SRSF11: variants seen among roughly 807,000 people sequenced by gnomAD.
The protein encoded by SRSF11 is serine/arginine-rich splicing factor 11.
SRSF11 carries 9 observed loss-of-function variants against 56.0 expected under a neutral mutation model. The observed-to-expected ratio is 0.16, with a 90% CI of 0.10 to 0.28. The LOEUF is 0.28. Among genes scored for constraint, SRSF11 ranks in the 10% least tolerant of loss-of-function variants. SRSF11 has a pLI of 1.00. For synonymous variants in SRSF11, 222 were observed against 215.3 expected, an observed-to-expected ratio of 1.03 and a Z score of -0.27; for missense variants, 421 against 600.7, an observed-to-expected ratio of 0.70 and a Z score of 3.13.
In SRSF11 at chr1:70,221,466, T is replaced by TGCGGCGGGGCGGAGAAACGGCG. The variant is rs1670591378; in HGVS notation, c.-163_-142dup. The TGCGGCGGGGCGGAGAAACGGCG allele has an allele frequency of 4.4e-6, 4 of 904,556 alleles. No homozygotes were observed. Among genetic ancestry groups the TGCGGCGGGGCGGAGAAACGGCG allele is most frequent in the African/African-American group, 1.7e-5 (1 of 57,878 alleles). The allele number at this position is 904,556 out of a possible 1,614,324, so 56.0% of individuals were successfully genotyped here. ...CGCTCTCATCCCCTCCCCCGCGGCGTGCGGCGGGGCGGAGAAACGGCGGCG... is the reference window on the plus strand; with the variant it reads ...CGCTCTCATCCCCTCCCCCGCGGCGTGCGGCGGGGCGGAGAAACGGCGGCGGCGGGGCGGAGAAACGGCGGCG... On this transcript the variant is annotated 5_prime_UTR_variant, in exon 1 of 12. Transcript: ENST00000370949.
At chr1:70,221,988 T>G in intron 1 of SRSF11, 149 bp downstream of exon 1, 1 of 1,386,020 alleles carries the variant, frequency 7.2e-7, no homozygotes. Context: ...ACGGTTGTGT[T>G]CCAGGCCTAC....
rs1677808466 is a variant in SRSF11, at chr1:70,250,650, A to C, written c.1300A>C (p.Ser434Arg). ...TGATGAAGAGGAACAGGGGTATGAC[A>C]GTGAGAAAGAGAAAAAAGAAGAGAA... Reference protein sequence around the residue: ...DYDEEEQGYDSEKEKKEEKKP... With the variant: ...DYDEEEQGYDREKEKKEEKKP... The change falls in exon 12 of 12, where the codon AGT (serine) becomes CGT (arginine). Residue 434 changes from serine to arginine, a missense_variant. Physicochemically the swap from Ser to Arg is moderately radical, Grantham distance 110. This residue lies in a region of SRSF11 where 253 missense variants were observed against 305.8 expected (regional missense o/e 0.83). Transcript: ENST00000370949. 2 of 1,613,914 alleles carry C rather than the reference A, an allele frequency of 1.2e-6. No individual in the cohort carries two copies. Among genetic ancestry groups the C allele is most frequent in the African/African-American group, 1.3e-5 (1 of 74,918 alleles).
upstream of SRSF11, chr1:70,221,000 C>T (rs1022536358): frequency 3.3e-5 from 5 of 152,012 alleles, no homozygotes; most frequent in African/African-American, 1.2e-4. Flanking sequence ...AATTTCGGGA[C>T]ATTTTATACT....
Position 70,221,796 on chromosome 1 carries a change from G to A in SRSF11, c.160G>A (p.Gly54Ser). ...CTCTGAGCAGATGCGGACTCTCTTC[G>A]GTTTCCTAGGCAAGATCGACGAACT... Reference protein sequence around the residue: ...ASSEQMRTLFGFLGKIDELRL... With the variant: ...ASSEQMRTLFSFLGKIDELRL... The change falls in exon 1 of 12, where the codon GGT becomes AGT. Residue 54 changes from glycine to serine, a missense_variant. Physicochemically the swap from Gly to Ser is moderately conservative, Grantham distance 56 (BLOSUM62 0). This residue lies in a region of SRSF11 where 168 missense variants were observed against 294.9 expected (regional missense o/e 0.57). Coordinates refer to ENST00000370949, the MANE Select transcript of SRSF11 (RefSeq NM_001350605.2). 2 of 1,614,078 alleles carry A rather than the reference G, an allele frequency of 1.2e-6. No individual in the cohort carries two copies. The highest frequency in any genetic ancestry group is 1.7e-5 in the Admixed American group (1 of 60,004).
rs1288017280 is a variant in SRSF11 at position 70,250,516 on chromosome 1, A to T, written c.1257+13A>T. Reference sequence around the variant, plus strand: ...TAAAGATGTAAAAGTATGTTTACAAATTGATTTATTTTTATATTTGGGGTG... The same window carrying T: ...TAAAGATGTAAAAGTATGTTTACAATTTGATTTATTTTTATATTTGGGGTG... On this transcript the variant is annotated intron_variant, in intron 11 of 11. Coordinates refer to ENST00000370949, the MANE Select transcript of SRSF11 (RefSeq NM_001350605.2). 6.2e-7 allele frequency: 1 copy of T among 1,606,520 alleles called. No homozygotes were observed. Among genetic ancestry groups the T allele is most frequent in the Non-Finnish European group, 8.5e-7 (1 of 1,175,942 alleles).
intron 2 of SRSF11, chr1:70,230,880 A>G: frequency 8.5e-7 from 1 of 1,180,110 alleles, no homozygotes; most frequent in Non-Finnish European, 1.1e-6. Context: ...AGGTTTGTTA[A>G]TATTGATGCA....
chr1:70,248,384 G>A (rs530577895), intron 9 of SRSF11: 3 of 152,118 alleles, frequency 2.0e-5, no homozygotes, highest in Admixed American at 1.3e-4. Flanking sequence ...CGTGTATTGC[G>A]TGATTCCTTT....
chr1:70,226,052 G>T (rs923105426), intron 1 of SRSF11, among the ~76,000 whole-genome samples: 9 of 152,062 alleles, frequency 5.9e-5, no homozygotes, highest in African/African-American at 2.2e-4. Context: ...TTAGCCGGAC[G>T]TGGTGGCGTG....
rs1678105843 is a variant in SRSF11, at chr1:70,252,583, A to G, written c.*1778A>G. 1 of 970 alleles carries G rather than the reference A, an allele frequency of 1.0e-3. No individual in the cohort carries two copies. The highest frequency in any genetic ancestry group is 3.2e-3 in the Non-Finnish European group (1 of 316). 0.1% of individuals were successfully genotyped at this position (970 alleles called of 1,614,324 possible). A position where few individuals can be genotyped will look rare whatever the true frequency, so the allele number is the denominator to read the frequency against. ...TAAGTAACTTTTTAAAGATTTTATC[A>G]AAAAGAATTGTCTATAGTGAGTAAA... On this transcript the variant is annotated 3_prime_UTR_variant, in exon 12 of 12. Transcript: ENST00000370949.
intron 1 of SRSF11, among the ~76,000 whole-genome samples, chr1:70,213,722 C>T (rs908252735): frequency 6.6e-6 from 1 of 152,082 alleles, no homozygotes; most frequent in South Asian, 2.1e-4. Context: ...AGTATTCTCA[C>T]GTATTATCCT....
intron 1 of SRSF11, 140 bp downstream of exon 1, chr1:70,221,979 C>T (rs1558156055): frequency 1.4e-6 from 2 of 1,420,458 alleles, no homozygotes; most frequent in African/African-American, 2.9e-5. Context: ...TTACTTAAGA[C>T]GGTTGTGTTC....
At chr1:70,214,426 C>T (rs961013029) in intron 1 of SRSF11, among the ~76,000 whole-genome samples, 2 of 152,066 alleles carry the variant, frequency 1.3e-5, no homozygotes, top group Non-Finnish European at 2.9e-5. Context: ...ACTGTGTATA[C>T]GATGCAAGCA....
intron 9 of SRSF11, among the ~76,000 whole-genome samples, chr1:70,247,584 A>G (rs1251725587): frequency 6.6e-6 from 1 of 152,130 alleles, no homozygotes; most frequent in Non-Finnish European, 1.5e-5. Context: ...ACCTAAATGT[A>G]AGAGCCAAAA....
At chr1:70,217,921 G>A (rs1209124679), upstream of SRSF11, among the ~76,000 whole-genome samples, 2 of 152,128 alleles carry the variant, frequency 1.3e-5, no homozygotes, top group Admixed American at 6.6e-5. Flanking sequence ...TAGAAGTGAA[G>A]TGAAATTTTC....
chr1:70,239,384 G>A (rs183015492), intron 6 of SRSF11, 55 bp from the exon 7 acceptor site: 53 of 1,284,586 alleles, frequency 4.1e-5, no homozygotes, highest in East Asian at 3.3e-4. Flanking sequence ...GAGCCACTGC[G>A]TCTGGCCCCT....
At position 70,250,674 on chromosome 1, in the gene SRSF11, A is replaced by G. The variant is rs369112415; in HGVS notation, c.1324A>G (p.Lys442Glu). The change falls in exon 12 of 12, where the codon AAG (lysine) becomes GAG (glutamate). Residue 442 changes from lysine to glutamate, a missense_variant. Lys to Glu is a moderately conservative substitution (Grantham distance 56, BLOSUM62 1). Around this residue, in one of 2 missense-constraint regions of SRSF11, gnomAD observed 253 missense variants for 305.8 expected, o/e 0.83. Coordinates refer to ENST00000370949, the MANE Select transcript of SRSF11 (RefSeq NM_001350605.2). ...YDSEKEKKEE[K>E]KPIETGSPKT... ...CAGTGAGAAAGAGAAAAAAGAAGAGAAGAAACCAATAGAAACAGGTTCCCC... is the reference window on the plus strand; with the variant it reads ...CAGTGAGAAAGAGAAAAAAGAAGAGGAGAAACCAATAGAAACAGGTTCCCC... 6.2e-7 allele frequency: 1 copy of G among 1,614,024 alleles called. No individual in the cohort carries two copies. Among genetic ancestry groups the G allele is most frequent in the East Asian group, 2.2e-5 (1 of 44,846 alleles).
At chr1:70,208,547 A>G (rs1669265173) in intron 1 of SRSF11, among the ~76,000 whole-genome samples, 1 of 152,196 alleles carries the variant, frequency 6.6e-6, no homozygotes, top group South Asian at 2.1e-4. Context: ...CATGTTGGCC[A>G]GATTGGTCTC....
chr1:70,235,693 G>A, intron 5 of SRSF11, 143 bp downstream of exon 5: 1 of 746,630 alleles, frequency 1.3e-6, no homozygotes. Flanking sequence ...GAAACAAGGA[G>A]AGAAATACAG....
At chr1:70,235,329 GTTT>G (rs1201206272) in intron 4 of SRSF11, among the ~76,000 whole-genome samples, 169 bp from the exon 5 acceptor site, 2 of 151,808 alleles carry the variant, frequency 1.3e-5, no homozygotes, top group African/African-American at 4.8e-5. Flanking sequence ...TTTTTGTTTT[GTTT>G]TGTTTTGTTT....
Sources: allele counts gnomAD v4.1 joint callset (sites outside exome capture counted in the v4.1 genomes callset), GRCh38; gene constraint gnomAD v4.1.1; regional missense constraint gnomAD v4.1.1; transcripts MANE v1.5; gene names NCBI Gene and HGNC (gene_info 2026-07-23, HGNC 2026-07-21).